The following ATF7 variants were observed in gnomAD, a reference collection of about 807,000 sequenced individuals.
The protein encoded by ATF7 is activating transcription factor 7, also known as cyclic AMP-dependent transcription factor ATF-7.
Under a neutral mutation model 50.4 loss-of-function variants are expected in ATF7, and 10 were observed. The ratio of observed to expected loss-of-function variants is 0.20; its 90% CI spans 0.12 to 0.34. The LOEUF is 0.34. ATF7 is among the 10% of genes least tolerant of loss of function. The pLI is 1.00. For synonymous variants in ATF7, 201 were observed against 226.4 expected (o/e 0.89, Z 1.01); for missense variants, 465 against 613.9 (o/e 0.76, Z 2.56).
chr12:53,536,584 G>A (rs1939238328), intron 5 of ATF7, among the ~76,000 whole-genome samples: 1 of 149,318 alleles, frequency 6.7e-6, no homozygotes, highest in South Asian at 2.3e-4. Flanking sequence ...ACTGATTTTT[G>A]GCTATTAAGA....
At chr12:53,577,596 A>G (rs537777741) in intron 2 of ATF7, among the ~76,000 whole-genome samples, 2,269 of 151,758 alleles carry the variant, frequency 0.015, 21 homozygotes, top group Admixed American at 0.022. Context: ...GGCGCCTGTA[A>G]TCCCAGCTAC....
chr12:53,508,181 T>G (rs1944056068), downstream of ATF7: 1 of 151,160 alleles, frequency 6.6e-6, no homozygotes, highest in African/African-American at 2.4e-5. Flanking sequence ...TTCAAGTGAT[T>G]CTCCTGCCTC....
intron 3 of ATF7, among the ~76,000 whole-genome samples, chr12:53,550,371 A>AAAT (rs1940282724): frequency 2.8e-5 from 4 of 142,126 alleles, no homozygotes; most frequent in Admixed American, 7.1e-5. Context: ...AATAAATAAT[A>AAAT]AATATAAATA....
intron 2 of ATF7, among the ~76,000 whole-genome samples, chr12:53,556,608 C>T (rs560470381): frequency 7.2e-5 from 11 of 152,234 alleles, no homozygotes; most frequent in South Asian, 2.1e-4. Context: ...AAAAAAACAA[C>T]GAAAAAAACC....
At chr12:53,560,961 T>C (rs1228573782) in intron 2 of ATF7, among the ~76,000 whole-genome samples, 2 of 151,526 alleles carry the variant, frequency 1.3e-5, no homozygotes, top group East Asian at 3.8e-4. Context: ...TTTTTTTTTT[T>C]TTTACACAGG....
intron 2 of ATF7, among the ~76,000 whole-genome samples, chr12:53,568,883 T>C (rs1397193348): frequency 6.6e-6 from 1 of 152,168 alleles, no homozygotes; most frequent in Non-Finnish European, 1.5e-5. Flanking sequence ...AAATTGCAGC[T>C]AAGCACTGTG....
At chr12:53,510,687 T>G (rs1435415369), downstream of ATF7, among the ~76,000 whole-genome samples, 1 of 152,268 alleles carries the variant, frequency 6.6e-6, no homozygotes, top group Non-Finnish European at 1.5e-5. Flanking sequence ...GCTTCTAGTA[T>G]TTCTCTAAAC....
chr12:53,567,651 C>G (rs904113751), intron 2 of ATF7, among the ~76,000 whole-genome samples: 4 of 152,216 alleles, frequency 2.6e-5, no homozygotes, highest in African/African-American at 9.7e-5. Flanking sequence ...GAAATCCCAG[C>G]AGCAATTCAG....
At position 53,587,582 on chromosome 12, in the gene ATF7, G is replaced by A. The variant is rs181838901; in HGVS notation, c.48+13371C>T. ...TTTGGGAGGCTGAGGCACGACAATC[G>A]CCTGAACGTGGGAGGCAGAGGTTGC... On this transcript the variant is annotated intron_variant, in intron 2 of 11. Coordinates refer to ENST00000420353, the MANE Select transcript of ATF7 (RefSeq NM_006856.3). Among the ~76,000 whole-genome samples, 583 of 149,490 alleles carry A rather than the reference G, an allele frequency of 3.9e-3. 2 individuals carry two copies. The highest frequency in any genetic ancestry group is 0.021 in the Middle Eastern group (6 of 288).
At chr12:53,566,403 C>T (rs2137593684) in intron 2 of ATF7, among the ~76,000 whole-genome samples, 1 of 152,276 alleles carries the variant, frequency 6.6e-6, no homozygotes, top group South Asian at 2.1e-4. Context: ...GGCTGAAAAG[C>T]AAGATATTCC....
chr12:53,552,683 C>A (rs1266095425), intron 2 of ATF7, 46 bp from the exon 3 acceptor site: 2 of 1,463,074 alleles, frequency 1.4e-6, no homozygotes, highest in African/African-American at 2.8e-5. Flanking sequence ...AAAACAAAAA[C>A]CCGATTCGGT....
In ATF7 at chr12:53,593,982, G is replaced by A. The variant is rs112543416; in HGVS notation, c.48+6971C>T. 3.2e-4 allele frequency among the ~76,000 whole-genome samples: 48 copies of A among 152,324 alleles called. No homozygotes were observed. In the Middle Eastern group the frequency reaches 0.01, roughly 32 times the overall value. On this transcript the variant is annotated intron_variant, in intron 2 of 11. Coordinates refer to ENST00000420353, the MANE Select transcript of ATF7 (RefSeq NM_006856.3). ...AAAGAAATACGCTAACCAGAGAGAG[G>A]GAGTACGCTGGCTGCTTTTTAATCT...
chr12:53,593,524 G>A (rs1457372053), intron 2 of ATF7, among the ~76,000 whole-genome samples: 1 of 152,182 alleles, frequency 6.6e-6, no homozygotes, highest in Non-Finnish European at 1.5e-5. Context: ...CTTCCAGAGA[G>A]CATCTCTTGT....
At chr12:53,546,390 AG>A (rs960206462) in intron 3 of ATF7, among the ~76,000 whole-genome samples, 3 of 151,976 alleles carry the variant, frequency 2.0e-5, no homozygotes, top group Non-Finnish European at 4.4e-5. Flanking sequence ...AACAAAAAAC[AG>A]GAGAAAAAAG....
At chr12:53,550,540 G>A (rs1418925702) in intron 3 of ATF7, among the ~76,000 whole-genome samples, 1 of 151,874 alleles carries the variant, frequency 6.6e-6, no homozygotes, top group African/African-American at 2.4e-5. Flanking sequence ...GCATAAAGAA[G>A]GTGATGGCAG....
intron 2 of ATF7, among the ~76,000 whole-genome samples, chr12:53,584,879 G>A (rs149589167): frequency 3.9e-4 from 60 of 152,318 alleles, no homozygotes; most frequent in African/African-American, 1.4e-3. Context: ...GTGCTTGCCA[G>A]CGGTCAGTGG....
At chr12:53,534,139 TG>T in intron 6 of ATF7, among the ~76,000 whole-genome samples, 1 of 152,104 alleles carries the variant, frequency 6.6e-6, no homozygotes, top group South Asian at 2.1e-4. Flanking sequence ...TAGCTGGGCG[TG>T]GTTGCAGGCG....
chr12:53,619,892 T>C (rs753403649), intron 1 of ATF7, among the ~76,000 whole-genome samples: 1 of 151,972 alleles, frequency 6.6e-6, no homozygotes, highest in Non-Finnish European at 1.5e-5. Context: ...ATGCGTGTAA[T>C]CTCAGCACTT....
chr12:53,543,206 T>C, intron 4 of ATF7, 124 bp downstream of exon 4: 2 of 1,547,158 alleles, frequency 1.3e-6, no homozygotes, highest in Non-Finnish European at 8.7e-7. Context: ...CTGGTTTTAC[T>C]GGTTTTACTC....
Sources: gnomAD v4.1 joint callset for allele counts (sites outside exome capture counted in the v4.1 genomes callset) on GRCh38, gnomAD v4.1.1 for gene constraint, MANE v1.5 for transcripts, NCBI Gene and HGNC (gene_info 2026-07-23, HGNC 2026-07-21) for gene names.